Variants in DGKG observed in about 807,000 individuals in gnomAD.
The protein encoded by DGKG is diacylglycerol kinase gamma, also known as DAG kinase gamma.
Under a neutral mutation model 105.3 loss-of-function variants are expected in DGKG, and 78 were observed. The observed-to-expected ratio is 0.74, with a 90% confidence interval of 0.62 to 0.89. The LOEUF is 0.89. Among genes scored for constraint, DGKG ranks in the 40% least tolerant of loss-of-function variants. The pLI is 0.00. For missense variants in DGKG, 958 were observed against 1,020.1 expected, an observed-to-expected ratio of 0.94 and a Z score of 0.83; for synonymous variants, 346 against 367.1, an observed-to-expected ratio of 0.94 and a Z score of 0.66.
chr3:186,154,660 A>G (rs112035906), intron 24 of DGKG, among the ~76,000 whole-genome samples: 4 of 151,440 alleles, frequency 2.6e-5, no homozygotes, highest in African/African-American at 7.3e-5. Context: ...AAAAAAAAAA[A>G]AAAGAAAAGA....
At chr3:186,204,876 C>T (rs1718646300) in intron 21 of DGKG, among the ~76,000 whole-genome samples, 1 of 152,134 alleles carries the variant, frequency 6.6e-6, no homozygotes, top group Admixed American at 6.5e-5. Flanking sequence ...CACTGATGTT[C>T]CCACCAGCAG....
chr3:186,300,162 A>G (rs552926612), intron 3 of DGKG, among the ~76,000 whole-genome samples: 1 of 151,662 alleles, frequency 6.6e-6, no homozygotes, highest in South Asian at 2.1e-4. Context: ...TAACCCACCC[A>G]CCTTGATCCT....
chr3:186,348,965 T>C (rs1416866594), intron 1 of DGKG, among the ~76,000 whole-genome samples: 1 of 152,062 alleles, frequency 6.6e-6, no homozygotes, highest in Non-Finnish European at 1.5e-5. Context: ...TTTGAAGTAA[T>C]GTCAGGAAAT....
chr3:186,222,839 G>A (rs778678361), intron 20 of DGKG, among the ~76,000 whole-genome samples: 18 of 151,138 alleles, frequency 1.2e-4, no homozygotes, highest in Admixed American at 3.3e-4. Flanking sequence ...TTAGCCAGGC[G>A]TGGTGGCGGG....
intron 21 of DGKG, chr3:186,207,350 G>T: frequency 3.0e-6 from 2 of 665,954 alleles, no homozygotes; most frequent in African/African-American, 2.0e-5. Flanking sequence ...CGAAACTCTC[G>T]GGTGTCTGGC....
intron 1 of DGKG, among the ~76,000 whole-genome samples, chr3:186,349,536 T>G (rs1437938481): frequency 6.6e-6 from 1 of 152,212 alleles, no homozygotes; most frequent in African/African-American, 2.4e-5. Flanking sequence ...AAGTTTATGT[T>G]CTCTCTTTTT....
chr3:186,347,136 C>T (rs1409930763), intron 1 of DGKG, among the ~76,000 whole-genome samples: 3 of 151,936 alleles, frequency 2.0e-5, no homozygotes, highest in Non-Finnish European at 4.4e-5. Flanking sequence ...TTGACCAATG[C>T]GTGGTTCTTT....
At chr3:186,229,917 T>C (rs191124410) in intron 20 of DGKG, among the ~76,000 whole-genome samples, 14 of 152,218 alleles carry the variant, frequency 9.2e-5, no homozygotes, top group African/African-American at 3.4e-4. Flanking sequence ...AAACAATGAA[T>C]TATAGAAGAC....
At chr3:186,329,393 G>A (rs1429579911) in intron 1 of DGKG, among the ~76,000 whole-genome samples, 1 of 152,124 alleles carries the variant, frequency 6.6e-6, no homozygotes, top group Non-Finnish European at 1.5e-5. Context: ...CAAGTCAGGA[G>A]GAAGAAGGCA....
chr3:186,245,253 C>G (rs532639234), intron 19 of DGKG, among the ~76,000 whole-genome samples: 32 of 152,176 alleles, frequency 2.1e-4, no homozygotes, highest in Non-Finnish European at 3.7e-4. Context: ...TAGTGAAGCA[C>G]GTGGTCCCTA....
chr3:186,299,579 A>G (rs1229133470), intron 3 of DGKG, among the ~76,000 whole-genome samples: 1 of 151,996 alleles, frequency 6.6e-6, no homozygotes, highest in East Asian at 1.9e-4. Context: ...TGTGACAGCT[A>G]CCCATCTCTC....
At chr3:186,298,377 A>G in intron 3 of DGKG, 148 bp from the exon 4 acceptor site, 1 of 716,872 alleles carries the variant, frequency 1.4e-6, no homozygotes, top group Non-Finnish European at 2.2e-6. Flanking sequence ...ACAGGAATGA[A>G]AAGGCCAGGG....
intron 1 of DGKG, among the ~76,000 whole-genome samples, chr3:186,351,793 C>G (rs1726642340): frequency 6.6e-6 from 1 of 152,218 alleles, no homozygotes; most frequent in Admixed American, 6.5e-5. Flanking sequence ...CAAGCAAGAC[C>G]ATGACTGGTG....
rs1021675153 is a variant in DGKG at position 186,306,837 on chromosome 3, A to G, written c.144+64T>C. On this transcript the variant is annotated intron_variant, in intron 3 of 24. Coordinates refer to ENST00000265022, the MANE Select transcript of DGKG (RefSeq NM_001346.3). ...GGCAAGCGGAGTCTCCAAGAGGGAA[A>G]CAAATTATGGAAAGGCTAAAAAACA... The G allele has an allele frequency of 6.7e-6, 8 of 1,188,232 alleles. No individual in the cohort carries two copies. In the African/African-American group the frequency reaches 9.1e-5, roughly 14 times the overall value. 73.6% of individuals were successfully genotyped at this position (1,188,232 alleles called of 1,614,324 possible).
At chr3:186,274,850 G>A (rs980230398) in intron 10 of DGKG, among the ~76,000 whole-genome samples, 1 of 151,826 alleles carries the variant, frequency 6.6e-6, no homozygotes, top group Non-Finnish European at 1.5e-5. Context: ...ATAAACATAC[G>A]TGTGCATGTG....
chr3:186,342,668 A>T (rs1726141839), intron 1 of DGKG, among the ~76,000 whole-genome samples: 1 of 152,134 alleles, frequency 6.6e-6, no homozygotes, highest in South Asian at 2.1e-4. Flanking sequence ...ATTAGGAGAA[A>T]CAAGCCACTC....
At chr3:186,184,123 T>C (rs1348101315) in intron 22 of DGKG, among the ~76,000 whole-genome samples, 1 of 152,200 alleles carries the variant, frequency 6.6e-6, no homozygotes, top group Non-Finnish European at 1.5e-5. Flanking sequence ...AGGGACTTTT[T>C]TTTTTTTTAG....
At chr3:186,158,230 T>C in intron 24 of DGKG, 1 of 699,896 alleles carries the variant, frequency 1.4e-6, no homozygotes, top group Non-Finnish European at 1.8e-6. Context: ...TGTTTTATTA[T>C]TGCTCTTCTA....
intron 21 of DGKG, among the ~76,000 whole-genome samples, chr3:186,196,043 C>T (rs578213752): frequency 1.2e-4 from 19 of 152,144 alleles, no homozygotes; most frequent in Non-Finnish European, 1.9e-4. Flanking sequence ...TAGCACCTTC[C>T]CTGTACCTTT....
Sources: gnomAD v4.1 joint callset for allele counts (sites outside exome capture counted in the v4.1 genomes callset) on GRCh38, gnomAD v4.1.1 for gene constraint, MANE v1.5 for transcripts, NCBI Gene and HGNC (gene_info 2026-07-23, HGNC 2026-07-21) for gene names.